The following PKIA variants were observed in gnomAD, a reference collection of about 807,000 sequenced individuals.
PKIA encodes the protein cAMP-dependent protein kinase inhibitor alpha, also known as PKI-alpha.
PKIA carries 4 observed loss-of-function variants against 7.6 expected under a neutral mutation model. The observed-to-expected ratio is 0.52, with a 90% CI of 0.26 to 1.20. The LOEUF (loss-of-function observed/expected upper bound fraction) is 1.20. Ranked by LOEUF, PKIA falls within the 50% of genes most tolerant of loss-of-function variation. The pLI is 0.13. For synonymous variants in PKIA, 21 were observed against 30.7 expected (o/e 0.68, Z 1.04); for missense variants, 73 against 86.2 (o/e 0.85, Z 0.61).
Position 78,598,345 on chromosome 8 carries a change from C to G in PKIA, c.-27-13C>G, listed in dbSNP as rs755642009. ...CCATTATATTCACCTATTAATTTTCCTTTCTTTTGTAGTCCCTGCTATGTG... is the reference window on the plus strand; with the variant it reads ...CCATTATATTCACCTATTAATTTTCGTTTCTTTTGTAGTCCCTGCTATGTG... On this transcript the variant is annotated splice_polypyrimidine_tract_variant and intron_variant, in intron 2 of 3. Transcript: ENST00000396418. 2 of 1,548,488 alleles carry G rather than the reference C, an allele frequency of 1.3e-6. No individual in the cohort carries two copies. The highest frequency in any genetic ancestry group is 1.4e-5 in the African/African-American group (1 of 73,046).
At chr8:78,555,727 G>T (rs1807116316) in intron 1 of PKIA, among the ~76,000 whole-genome samples, 1 of 152,002 alleles carries the variant, frequency 6.6e-6, no homozygotes, top group African/African-American at 2.4e-5. Flanking sequence ...AAAGGAAAGT[G>T]AGTGTCAATG....
At chr8:78,581,318 G>A (rs950058223) in intron 2 of PKIA, among the ~76,000 whole-genome samples, 3 of 151,944 alleles carry the variant, frequency 2.0e-5, no homozygotes, top group Admixed American at 6.6e-5. Context: ...TTAATAAAAT[G>A]GTCAATGAGT....
At chr8:78,526,316 T>C (rs1438300639) in intron 1 of PKIA, among the ~76,000 whole-genome samples, 2 of 152,054 alleles carry the variant, frequency 1.3e-5, no homozygotes, top group African/African-American at 4.8e-5. Context: ...TATATTTAAC[T>C]CTTCAAGTAG....
At chr8:78,560,064 T>G (rs1029078998) in intron 1 of PKIA, among the ~76,000 whole-genome samples, 1 of 152,234 alleles carries the variant, frequency 6.6e-6, no homozygotes, top group African/African-American at 2.4e-5. Flanking sequence ...TTATCATGTT[T>G]GCAAGCCTTT....
intron 2 of PKIA, among the ~76,000 whole-genome samples, chr8:78,596,145 G>T (rs550765968): frequency 6.6e-6 from 1 of 152,012 alleles, no homozygotes; most frequent in African/African-American, 2.4e-5. Flanking sequence ...TCGTATGCTT[G>T]TTGGCCACAT....
chr8:78,571,320 C>G (rs1807541518), intron 1 of PKIA, among the ~76,000 whole-genome samples: 1 of 152,064 alleles, frequency 6.6e-6, no homozygotes, highest in Admixed American at 6.6e-5. Context: ...TTTGGACTTA[C>G]AAGATAACCT....
chr8:78,556,386 A>T (rs759090953), intron 1 of PKIA: 4 of 152,138 alleles, frequency 2.6e-5, no homozygotes, highest in Non-Finnish European at 5.9e-5. Flanking sequence ...GAAGTAAAAA[A>T]ATCAATTATC....
chr8:78,541,778 T>G (rs930567257), intron 1 of PKIA, among the ~76,000 whole-genome samples: 1 of 151,948 alleles, frequency 6.6e-6, no homozygotes, highest in African/African-American at 2.4e-5. Context: ...TTTTCTGGCT[T>G]CTTCAGCTCA....
At chr8:78,597,763 A>G (rs1808259475) in intron 2 of PKIA, among the ~76,000 whole-genome samples, 1 of 152,136 alleles carries the variant, frequency 6.6e-6, no homozygotes, top group Admixed American at 6.5e-5. Flanking sequence ...CGTATTGGCT[A>G]TGGCTGCTTT....
At chr8:78,568,786 G>A (rs1333363620) in intron 1 of PKIA, among the ~76,000 whole-genome samples, 1 of 152,128 alleles carries the variant, frequency 6.6e-6, no homozygotes, top group Non-Finnish European at 1.5e-5. Context: ...CTTTCTGGCA[G>A]TATGTACACC....
intron 1 of PKIA, among the ~76,000 whole-genome samples, chr8:78,522,685 C>T (rs182294564): frequency 1.2e-4 from 18 of 151,878 alleles, no homozygotes; most frequent in Non-Finnish European, 2.9e-5. Context: ...TGACAAAGTG[C>T]ATCATAGATG....
At chr8:78,529,477 A>G (rs1340509894) in intron 1 of PKIA, among the ~76,000 whole-genome samples, 3 of 152,072 alleles carry the variant, frequency 2.0e-5, no homozygotes, top group Admixed American at 6.6e-5. Context: ...TAGAGTTTCT[A>G]TGTCAGTTTT....
intron 2 of PKIA, among the ~76,000 whole-genome samples, chr8:78,574,759 TG>T (rs1487923851): frequency 6.6e-6 from 1 of 152,044 alleles, no homozygotes; most frequent in East Asian, 1.9e-4. Flanking sequence ...GCACAATTTT[TG>T]TCTTTGTATG....
intron 1 of PKIA, among the ~76,000 whole-genome samples, chr8:78,568,487 G>A (rs868166493): frequency 7.0e-4 from 107 of 152,252 alleles, no homozygotes; most frequent in Middle Eastern, 3.4e-3. Context: ...TGGAGTGGCT[G>A]CATTTCTCCC....
intron 2 of PKIA, among the ~76,000 whole-genome samples, chr8:78,575,606 G>A (rs923256557): frequency 4.6e-5 from 7 of 151,926 alleles, no homozygotes; most frequent in Admixed American, 6.6e-5. Context: ...TATTATACAC[G>A]TGCAAGATTT....
rs541738651 is a variant in PKIA, at chr8:78,587,067, G to A, written c.-27-11291G>A. Among the ~76,000 whole-genome samples, 6 of 152,218 alleles carry A rather than the reference G, an allele frequency of 3.9e-5. No homozygotes were observed. In the South Asian group the frequency reaches 1.2e-3, roughly 32 times the overall value. Reference sequence around the variant, plus strand: ...TTGGAACAGACCAGAAAATATTACTGAGCTTGATTGGATCCTTTTTTTGAT... The same window carrying A: ...TTGGAACAGACCAGAAAATATTACTAAGCTTGATTGGATCCTTTTTTTGAT... On this transcript the variant is annotated intron_variant, in intron 2 of 3. Coordinates refer to ENST00000396418, the MANE Select transcript of PKIA (RefSeq NM_006823.4).
In PKIA at chr8:78,603,332, A is replaced by G. The variant is rs1808398241; in HGVS notation, c.*1511A>G. 1.3e-5 allele frequency: 2 copies of G among 152,294 alleles called. No homozygotes were observed. Among genetic ancestry groups the G allele is most frequent in the Admixed American group, 1.3e-4 (2 of 15,200 alleles). The allele number at this position is 152,294 out of a possible 1,614,324, so 9.4% of individuals were successfully genotyped here. On this transcript the variant is annotated 3_prime_UTR_variant, in exon 4 of 4. Transcript: ENST00000396418. ...ATACCTTGCCACGTGAAGTAGGTAG[A>G]GCAGCATTTCAATAGGTAATTTGTG...
intron 1 of PKIA, among the ~76,000 whole-genome samples, chr8:78,561,673 A>G (rs1417856482): frequency 1.3e-5 from 2 of 152,140 alleles, no homozygotes; most frequent in African/African-American, 2.4e-5. Flanking sequence ...ACTGATGTCA[A>G]ACTTTCTGAG....
At chr8:78,566,559 G>T (rs930578001) in intron 1 of PKIA, among the ~76,000 whole-genome samples, 1 of 152,014 alleles carries the variant, frequency 6.6e-6, no homozygotes, top group Admixed American at 6.6e-5. Flanking sequence ...TGCCAGCAAA[G>T]TGAGCCTCCA....
Sources: allele counts gnomAD v4.1 joint callset (sites outside exome capture counted in the v4.1 genomes callset), GRCh38; gene constraint gnomAD v4.1.1; transcripts MANE v1.5; gene names NCBI Gene and HGNC (gene_info 2026-07-23, HGNC 2026-07-21).